Variants in ZFHX3 observed in about 807,000 individuals in gnomAD.
ZFHX3 encodes the protein zinc finger homeobox protein 3.
ZFHX3 carries 42 observed loss-of-function variants against 279.1 expected under a neutral mutation model. The observed-to-expected ratio is 0.15, with a 90% confidence interval of 0.12 to 0.19. The LOEUF (loss-of-function observed/expected upper bound fraction) is 0.19. Ranked by LOEUF, ZFHX3 falls within the 10% of genes least tolerant of loss-of-function variation. ZFHX3 has a pLI of 1.00. For synonymous variants in ZFHX3, 2,293 were observed against 1,957.8 expected, an observed-to-expected ratio of 1.17 and a Z score of -4.52; for missense variants, 4,981 against 4,754.0, an observed-to-expected ratio of 1.05 and a Z score of -1.40.
intron 3 of ZFHX3, among the ~76,000 whole-genome samples, chr16:73,414,187 A>C (rs912846990): frequency 6.6e-6 from 1 of 152,212 alleles, no homozygotes; most frequent in East Asian, 1.9e-4. Flanking sequence ...AAGTGTAGTT[A>C]CTCCTTTTAG....
intron 1 of ZFHX3, among the ~76,000 whole-genome samples, chr16:73,755,392 T>C (rs544161979): frequency 4.6e-5 from 7 of 152,210 alleles, no homozygotes; most frequent in African/African-American, 1.7e-4. Context: ...AGAAACTCTA[T>C]AATCTATCCT....
At chr16:73,458,665 G>A (rs12445566) in intron 2 of ZFHX3, among the ~76,000 whole-genome samples, 16,243 of 152,020 alleles carry the variant, frequency 0.11, 943 homozygotes, top group South Asian at 0.25. Context: ...GTCTTGATGC[G>A]GGTTGGCTCC....
In ZFHX3 at chr16:73,682,918, G is replaced by GAAAGAAAGAAAGAGAGAA. The variant is rs1567550617; in HGVS notation, c.-1607-2679_-1607-2678insTTCTCTCTTTCTTTCTTT. Among the ~76,000 whole-genome samples, 113 of 39,374 alleles carry GAAAGAAAGAAAGAGAGAA rather than the reference G, an allele frequency of 2.9e-3. 6 individuals are homozygous for GAAAGAAAGAAAGAGAGAA. The highest frequency in any genetic ancestry group is 8.8e-3 in the African/African-American group (106 of 12,114). 25.8% of individuals were successfully genotyped at this position (39,374 alleles called of 152,430 possible). ...AGAAAGAAAGAAAGAGAAAGAAAGA[G>GAAAGAAAGAAAGAGAGAA]AGAAAGAGAAAGAAAGAAAGAAAGA... On this transcript the variant is annotated intron_variant, in intron 1 of 17. Transcript: ENST00000641206.
intron 1 of ZFHX3, among the ~76,000 whole-genome samples, chr16:73,847,408 C>G (rs1217383576): frequency 1.3e-5 from 2 of 152,182 alleles, no homozygotes; most frequent in Non-Finnish European, 2.9e-5. Context: ...CTGGAAAATG[C>G]ATTCCCATGA....
At chr16:73,264,468 G>A (rs2013910689) in intron 4 of ZFHX3, among the ~76,000 whole-genome samples, 1 of 152,064 alleles carries the variant, frequency 6.6e-6, no homozygotes, top group Non-Finnish European at 1.5e-5. Flanking sequence ...AGAAATGCCA[G>A]GCTCCTGATG....
chr16:73,153,128 C>T (rs1015208197), intron 5 of ZFHX3, among the ~76,000 whole-genome samples: 1 of 152,062 alleles, frequency 6.6e-6, no homozygotes, highest in African/African-American at 2.4e-5. Flanking sequence ...TCCAGCCCCA[C>T]CACCCCAAAC....
chr16:73,040,299 C>T (rs757112957), intron 1 of ZFHX3, among the ~76,000 whole-genome samples: 3 of 152,068 alleles, frequency 2.0e-5, no homozygotes, highest in Non-Finnish European at 4.4e-5. Flanking sequence ...ACAGGAAGAG[C>T]GTGGTGCTGA....
intron 1 of ZFHX3, among the ~76,000 whole-genome samples, chr16:73,763,667 GCTT>G (rs1339367220): frequency 6.6e-6 from 1 of 152,070 alleles, no homozygotes; most frequent in Non-Finnish European, 1.5e-5. Context: ...CCTGTTACTT[GCTT>G]CTTATTAACA....
chr16:73,474,243 G>A (rs1209001470), intron 2 of ZFHX3, among the ~76,000 whole-genome samples: 1 of 152,002 alleles, frequency 6.6e-6, no homozygotes, highest in Admixed American at 6.6e-5. Flanking sequence ...CACCTCCCAG[G>A]CTCAAGTGAT....
chr16:73,121,313 T>A (rs1966496039), intron 7 of ZFHX3, among the ~76,000 whole-genome samples: 1 of 152,228 alleles, frequency 6.6e-6, no homozygotes, highest in Non-Finnish European at 1.5e-5. Flanking sequence ...TAATAATTTT[T>A]ACATTGATTG....
chr16:72,813,200 G>T (rs373958213), intron 5 of ZFHX3, among the ~76,000 whole-genome samples: 25 of 152,208 alleles, frequency 1.6e-4, no homozygotes, highest in African/African-American at 5.8e-4. Context: ...TAATAAAAGT[G>T]GTAGTGAGAA....
intron 5 of ZFHX3, among the ~76,000 whole-genome samples, chr16:73,207,613 C>T (rs1167616255): frequency 6.6e-6 from 1 of 152,112 alleles, no homozygotes; most frequent in Non-Finnish European, 1.5e-5. Flanking sequence ...AAATAAGTGG[C>T]TCACTAGAGA....
intron 2 of ZFHX3, among the ~76,000 whole-genome samples, chr16:73,474,853 G>A (rs576057767): frequency 6.6e-6 from 1 of 152,290 alleles, no homozygotes; most frequent in African/African-American, 2.4e-5. Flanking sequence ...TGGAGCCAGC[G>A]GGTAAGAGAT....
At chr16:73,498,999 G>A (rs190462936) in intron 2 of ZFHX3, among the ~76,000 whole-genome samples, 17 of 152,286 alleles carry the variant, frequency 1.1e-4, no homozygotes, top group African/African-American at 3.4e-4. Flanking sequence ...CAAAATGTGT[G>A]AACTATGTGT....
rs1354224935 is a variant in ZFHX3, at chr16:73,780,028, G to C, written c.-1607-99788C>G. ...AGACTTTTTTTTCTCTCTTCACCTA[G>C]CGCAGACTATGAAGTCATGACTGAG... On this transcript the variant is annotated intron_variant, in intron 1 of 17. Transcript: ENST00000641206. 2.8e-5 allele frequency among the ~76,000 whole-genome samples: 4 copies of C among 141,474 alleles called. No homozygotes were observed. The Admixed American group carries it at 2.9e-4, about 10-fold the overall frequency. The allele number at this position is 141,474 out of a possible 152,430, so 92.8% of individuals were successfully genotyped here.
At chr16:73,484,362 A>T (rs974249885) in intron 2 of ZFHX3, among the ~76,000 whole-genome samples, 4 of 152,154 alleles carry the variant, frequency 2.6e-5, no homozygotes, top group African/African-American at 9.7e-5. Flanking sequence ...TGGGCTTGAA[A>T]AACCTCCAGT....
At chr16:73,687,373 A>T (rs2142203189) in intron 1 of ZFHX3, among the ~76,000 whole-genome samples, 2 of 149,714 alleles carry the variant, frequency 1.3e-5, no homozygotes, top group East Asian at 4.0e-4. Context: ...ACAGAGAGAG[A>T]CCCTGTCTCA....
chr16:73,324,091 C>T (rs2015632659), intron 3 of ZFHX3, among the ~76,000 whole-genome samples: 1 of 152,174 alleles, frequency 6.6e-6, no homozygotes, highest in South Asian at 2.1e-4. Flanking sequence ...TGACAAGAGC[C>T]TTTGAGCTGG....
chr16:73,505,528 G>A (rs1331769591), intron 2 of ZFHX3, among the ~76,000 whole-genome samples: 1 of 151,576 alleles, frequency 6.6e-6, no homozygotes. Context: ...TCACTCTTAG[G>A]CGATGACTAA....
Sources: allele counts gnomAD v4.1 joint callset (sites outside exome capture counted in the v4.1 genomes callset), GRCh38; gene constraint gnomAD v4.1.1; transcripts MANE v1.5; gene names NCBI Gene and HGNC (gene_info 2026-07-23, HGNC 2026-07-21).